The following FARS2 variants were observed in gnomAD, a reference collection of about 807,000 sequenced individuals.
FARS2 encodes phenylalanine--tRNA ligase, mitochondrial.
A neutral mutation model predicts 46.4 loss-of-function variants in FARS2; 40 were observed. That is an observed-to-expected ratio of 0.86 (90% CI 0.67 to 1.12). The LOEUF is 1.12. Ranked by LOEUF, FARS2 falls within the 50% of genes most tolerant of loss-of-function variation. FARS2 has a pLI of 0.00. For synonymous variants in FARS2, 234 were observed against 214.9 expected (o/e 1.09, Z -0.78); for missense variants, 513 against 567.9 (o/e 0.90, Z 0.98).
At chr6:5,558,575 C>T (rs1271804599) in intron 5 of FARS2, among the ~76,000 whole-genome samples, 1 of 151,988 alleles carries the variant, frequency 6.6e-6, no homozygotes, top group African/African-American at 2.4e-5. Context: ...CTCTCTCTGT[C>T]CCCCAGGCTC....
At chr6:5,500,703 G>T (rs188119564) in intron 4 of FARS2, among the ~76,000 whole-genome samples, 1 of 152,060 alleles carries the variant, frequency 6.6e-6, no homozygotes, top group Non-Finnish European at 1.5e-5. Flanking sequence ...TGCTTTGGTT[G>T]TAAGCTGTAG....
intron 1 of FARS2, among the ~76,000 whole-genome samples, chr6:5,367,386 AT>A: frequency 6.6e-6 from 1 of 152,298 alleles, no homozygotes; most frequent in Middle Eastern, 3.4e-3. Flanking sequence ...AATGTAAATT[AT>A]TTGTGAACAA....
rs371955123 is a variant in FARS2, at chr6:5,733,541, T to C, written c.1218-37750T>C. On this transcript the variant is annotated intron_variant, in intron 6 of 6. Coordinates refer to ENST00000274680, the MANE Select transcript of FARS2 (RefSeq NM_006567.5). ...AAAACATTTCATAGCCCCAGGTGGG[T>C]TTATATTTTGTTTTTGTTCTCCCTC... is the stretch of plus-strand genomic sequence containing the variant. 2.5e-4 allele frequency among the ~76,000 whole-genome samples: 38 copies of C among 152,220 alleles called. No homozygotes were observed. The East Asian group carries it at 4.2e-3, about 17-fold the overall frequency.
intron 1 of FARS2, among the ~76,000 whole-genome samples, chr6:5,280,074 C>T (rs894550690): frequency 6.6e-6 from 1 of 152,194 alleles, no homozygotes; most frequent in African/African-American, 2.4e-5. Flanking sequence ...GGTCCTCTAT[C>T]TATGAGCTGT....
intron 6 of FARS2, among the ~76,000 whole-genome samples, chr6:5,702,652 G>A (rs1758515144): frequency 6.6e-6 from 1 of 152,088 alleles, no homozygotes; most frequent in Non-Finnish European, 1.5e-5. Flanking sequence ...TCATAGTTGG[G>A]GAGTTTTTGT....
chr6:5,441,874 C>T (rs1763861576), intron 4 of FARS2, among the ~76,000 whole-genome samples: 1 of 152,168 alleles, frequency 6.6e-6, no homozygotes, highest in Non-Finnish European at 1.5e-5. Flanking sequence ...TTCTAAAGTT[C>T]CCTGGTGTTT....
At chr6:5,662,019 G>A (rs1172802895) in intron 6 of FARS2, among the ~76,000 whole-genome samples, 1 of 152,058 alleles carries the variant, frequency 6.6e-6, no homozygotes, top group African/African-American at 2.4e-5. Flanking sequence ...CTGGACAAAA[G>A]GGTATTTTAC....
At chr6:5,609,381 G>A (rs1489004408) in intron 5 of FARS2, 50 of 1,277,862 alleles carry the variant, frequency 3.9e-5, no homozygotes, top group Non-Finnish European at 5.0e-5. Context: ...AAAATTTGAA[G>A]ACTGATTGTT....
At chr6:5,633,880 T>G (rs888039194) in intron 6 of FARS2, among the ~76,000 whole-genome samples, 1 of 152,236 alleles carries the variant, frequency 6.6e-6, no homozygotes, top group African/African-American at 2.4e-5. Flanking sequence ...TATCAATGAT[T>G]AGCTAATTAT....
chr6:5,291,807 A>G (rs1280936707), intron 1 of FARS2, among the ~76,000 whole-genome samples: 1 of 152,184 alleles, frequency 6.6e-6, no homozygotes, highest in African/African-American at 2.4e-5. Flanking sequence ...ATGAAGAATC[A>G]GGTTTCTTTA....
intron 4 of FARS2, among the ~76,000 whole-genome samples, chr6:5,457,440 G>A (rs1348653775): frequency 6.6e-6 from 1 of 152,094 alleles, no homozygotes; most frequent in African/African-American, 2.4e-5. Flanking sequence ...CTTGTTTTCC[G>A]TGCCTATCAC....
intron 4 of FARS2, among the ~76,000 whole-genome samples, chr6:5,443,933 A>C (rs1351282140): frequency 6.6e-6 from 1 of 152,178 alleles, no homozygotes; most frequent in East Asian, 1.9e-4. Context: ...AAAGAACTTG[A>C]CTTTTTTACT....
chr6:5,449,461 G>A (rs1764364864), intron 4 of FARS2, among the ~76,000 whole-genome samples: 1 of 151,640 alleles, frequency 6.6e-6, no homozygotes, highest in South Asian at 2.1e-4. Flanking sequence ...AGGCCAAAAA[G>A]TATAAGGTTT....
chr6:5,533,542 G>A (rs977871285), intron 4 of FARS2, among the ~76,000 whole-genome samples: 2 of 152,218 alleles, frequency 1.3e-5, no homozygotes, highest in African/African-American at 4.8e-5. Context: ...CACTCGAGAT[G>A]GATCAGTGAC....
intron 2 of FARS2, among the ~76,000 whole-genome samples, chr6:5,399,917 A>G (rs901026861): frequency 1.3e-5 from 2 of 152,168 alleles, no homozygotes; most frequent in Non-Finnish European, 1.5e-5. Context: ...GTTACAAACA[A>G]TACTACAATG....
At chr6:5,502,249 C>T (rs144712120) in intron 4 of FARS2, among the ~76,000 whole-genome samples, 10 of 152,274 alleles carry the variant, frequency 6.6e-5, no homozygotes, top group East Asian at 1.9e-4. Flanking sequence ...GCAATTTATT[C>T]GTTAAAATAT....
At chr6:5,277,373 A>G (rs953232089) in intron 1 of FARS2, among the ~76,000 whole-genome samples, 4 of 152,240 alleles carry the variant, frequency 2.6e-5, no homozygotes, top group African/African-American at 2.4e-5. Context: ...TAGAATGACT[A>G]TATTTTTCAG....
intron 1 of FARS2, among the ~76,000 whole-genome samples, chr6:5,262,676 T>C (rs1366508478): frequency 6.6e-6 from 1 of 152,236 alleles, no homozygotes; most frequent in African/African-American, 2.4e-5. Flanking sequence ...CAGATATTCT[T>C]ACTAATCCTG....
chr6:5,435,560 T>A (rs1422287676), intron 4 of FARS2, among the ~76,000 whole-genome samples: 1 of 152,224 alleles, frequency 6.6e-6, no homozygotes, highest in Non-Finnish European at 1.5e-5. Flanking sequence ...GTGATGTGAG[T>A]GGTGACCGTT....
Sources: allele counts gnomAD v4.1 joint callset (sites outside exome capture counted in the v4.1 genomes callset), GRCh38; gene constraint gnomAD v4.1.1; transcripts MANE v1.5; gene names NCBI Gene and HGNC (gene_info 2026-07-23, HGNC 2026-07-21).